Variants in PTDSS1 observed in about 807,000 individuals in gnomAD.
PTDSS1 encodes the protein PSS-1.
Under a neutral mutation model 70.5 loss-of-function variants are expected in PTDSS1, and 45 were observed. The observed-to-expected ratio is 0.64, with a 90% CI of 0.50 to 0.82. The LOEUF is 0.82. Among genes scored for constraint, PTDSS1 ranks in the 40% least tolerant of loss-of-function variants. PTDSS1 has a pLI of 0.00. For missense variants in PTDSS1, 417 were observed against 586.1 expected, an observed-to-expected ratio of 0.71 and a Z score of 2.98; for synonymous variants, 188 against 203.8, an observed-to-expected ratio of 0.92 and a Z score of 0.66.
chr8:96,272,455 A>G (rs1810579979), intron 1 of PTDSS1, among the ~76,000 whole-genome samples: 1 of 152,150 alleles, frequency 6.6e-6, no homozygotes, highest in Admixed American at 6.5e-5. Flanking sequence ...GTGTCCTGTC[A>G]ATGTCTTTTA....
intron 11 of PTDSS1, chr8:96,330,523 A>C (rs1255189169): frequency 2.5e-4 from 128 of 513,180 alleles, no homozygotes; most frequent in Non-Finnish European, 5.3e-5. Flanking sequence ...AAAAAAAGTT[A>C]TGTTTGTTTG....
chr8:96,311,399 C>T (rs989351354), intron 9 of PTDSS1, among the ~76,000 whole-genome samples: 1 of 152,026 alleles, frequency 6.6e-6, no homozygotes, highest in Non-Finnish European at 1.5e-5. Context: ...GACATTCTTC[C>T]AATTAAAAAG....
In PTDSS1 at chr8:96,291,776, C is replaced by G. The variant is rs189765101; in HGVS notation, c.442-3322C>G. On this transcript the variant is annotated intron_variant, in intron 4 of 12. Transcript: ENST00000517309. ...CCCCTATATCTTCTATAAAGTAGAA[C>G]TCAGGTGTAGGGGCTGGATGAGATT... 3.3e-3 allele frequency among the ~76,000 whole-genome samples: 508 copies of G among 152,208 alleles called. 9 individuals are homozygous for G. Among genetic ancestry groups the G allele is most frequent in the Admixed American group, 0.031 (471 of 15,300 alleles).
At chr8:96,267,243 C>T (rs1039175148) in intron 1 of PTDSS1, among the ~76,000 whole-genome samples, 1 of 152,218 alleles carries the variant, frequency 6.6e-6, no homozygotes, top group East Asian at 1.9e-4. Context: ...TTCCTCAGCC[C>T]TGGCATCCCA....
At chr8:96,263,311 ACTTT>A (rs1214521631) in intron 1 of PTDSS1, among the ~76,000 whole-genome samples, 8 of 152,242 alleles carry the variant, frequency 5.3e-5, no homozygotes, top group African/African-American at 1.9e-4. Context: ...AATGATTTAT[ACTTT>A]CTGAATGAAC....
At chr8:96,281,925 T>TG (rs1189791628) in intron 2 of PTDSS1, among the ~76,000 whole-genome samples, 1 of 152,132 alleles carries the variant, frequency 6.6e-6, no homozygotes, top group Non-Finnish European at 1.5e-5. Context: ...TGACACTGTG[T>TG]GGGGGTGTCT....
chr8:96,268,696 T>C (rs1320256940), intron 1 of PTDSS1, among the ~76,000 whole-genome samples: 2 of 151,946 alleles, frequency 1.3e-5, no homozygotes, highest in African/African-American at 4.8e-5. Flanking sequence ...TAAGACTTTG[T>C]CTCTTTGGGT....
intron 5 of PTDSS1, among the ~76,000 whole-genome samples, chr8:96,296,895 C>T (rs926408751): frequency 6.6e-6 from 1 of 152,188 alleles, no homozygotes; most frequent in Non-Finnish European, 1.5e-5. Flanking sequence ...TGGCCCTTGT[C>T]GGCCTCGCTT....
chr8:96,308,101 C>T (rs957432604), intron 8 of PTDSS1, among the ~76,000 whole-genome samples: 12 of 152,122 alleles, frequency 7.9e-5, no homozygotes, highest in African/African-American at 2.9e-4. Context: ...TGTTAGGTCC[C>T]GAGAGGAGAG....
Position 96,281,546 on chromosome 8 carries a change from G to T in PTDSS1, c.272-2563G>T, listed in dbSNP as rs956252477. 3.3e-5 allele frequency among the ~76,000 whole-genome samples: 5 copies of T among 152,266 alleles called. No individual in the cohort carries two copies. The East Asian group carries it at 9.7e-4, about 29-fold the overall frequency. ...AGTTCCCTGCCCTTTCCCTGGTCTT[G>T]CTTTTCCTGAGCCTACTTATCAGTT... On this transcript the variant is annotated intron_variant, in intron 2 of 12. Coordinates refer to ENST00000517309, the MANE Select transcript of PTDSS1 (RefSeq NM_014754.3).
chr8:96,310,648 A>G (rs1304136198), intron 9 of PTDSS1, among the ~76,000 whole-genome samples: 1 of 152,090 alleles, frequency 6.6e-6, no homozygotes, highest in Non-Finnish European at 1.5e-5. Context: ...TTATTGTCAC[A>G]TCAAAAGGGC....
intron 2 of PTDSS1, 101 bp from the exon 3 acceptor site, chr8:96,284,008 G>T (rs1426777600): frequency 4.5e-5 from 43 of 950,930 alleles, no homozygotes; most frequent in Non-Finnish European, 6.3e-5. Context: ...ACAGTAGAGA[G>T]CTTTTTCTTC....
intron 9 of PTDSS1, among the ~76,000 whole-genome samples, chr8:96,317,033 C>CTATA (rs60006791): frequency 1.2e-4 from 18 of 150,134 alleles, no homozygotes; most frequent in Middle Eastern, 3.5e-3. Flanking sequence ...ATATATGTGT[C>CTATA]TATATATATG....
intron 5 of PTDSS1, among the ~76,000 whole-genome samples, chr8:96,296,403 G>T (rs912172881): frequency 6.6e-6 from 1 of 152,116 alleles, no homozygotes; most frequent in Non-Finnish European, 1.5e-5. Flanking sequence ...CTCCCAAAGT[G>T]CTGGGATTAC....
intron 1 of PTDSS1, among the ~76,000 whole-genome samples, chr8:96,268,226 A>G (rs958150326): frequency 7.9e-5 from 12 of 152,216 alleles, no homozygotes; most frequent in African/African-American, 2.9e-4. Context: ...ATAACTTTCT[A>G]TAAAATAGAT....
intron 4 of PTDSS1, among the ~76,000 whole-genome samples, chr8:96,289,341 C>T (rs908143288): frequency 2.6e-5 from 4 of 152,148 alleles, no homozygotes; most frequent in African/African-American, 9.7e-5. Context: ...TCAGCCCCAA[C>T]CCAGGAACTT....
At chr8:96,305,198 C>T (rs141447455) in intron 7 of PTDSS1, among the ~76,000 whole-genome samples, 4 of 152,254 alleles carry the variant, frequency 2.6e-5, no homozygotes, top group African/African-American at 7.2e-5. Flanking sequence ...AGTATAGTGC[C>T]GTTAGGATGG....
At chr8:96,287,894 A>G (rs1810846832) in intron 4 of PTDSS1, among the ~76,000 whole-genome samples, 1 of 152,098 alleles carries the variant, frequency 6.6e-6, no homozygotes, top group South Asian at 2.1e-4. Context: ...TTCCCACACC[A>G]GCCAATTCTC....
Position 96,270,825 on chromosome 8 carries a change from C to G in PTDSS1, c.180-2474C>G, listed in dbSNP as rs528686642. On this transcript the variant is annotated intron_variant, in intron 1 of 12. Coordinates refer to ENST00000517309, the MANE Select transcript of PTDSS1 (RefSeq NM_014754.3). ...AATCAACATTTTCCCACCTCTGAAA[C>G]TAGGCCATCCATTTGATCCTCTTTT... 5.3e-5 allele frequency among the ~76,000 whole-genome samples: 8 copies of G among 152,262 alleles called. No homozygotes were observed. The East Asian group carries it at 1.5e-3, about 29-fold the overall frequency.
Sources: gnomAD v4.1 joint callset for allele counts (sites outside exome capture counted in the v4.1 genomes callset) on GRCh38, gnomAD v4.1.1 for gene constraint, MANE v1.5 for transcripts, NCBI Gene and HGNC (gene_info 2026-07-23, HGNC 2026-07-21) for gene names.